The following SLC29A4 variants were observed in gnomAD, a reference collection of about 807,000 sequenced individuals.
The protein encoded by SLC29A4 is solute carrier family 29 member 4, also known as equilibrative nucleoside transporter 4.
Under a neutral mutation model 43.9 loss-of-function variants are expected in SLC29A4, and 36 were observed. The ratio of observed to expected loss-of-function variants is 0.82; its 90% confidence interval spans 0.63 to 1.08. The LOEUF (loss-of-function observed/expected upper bound fraction) is 1.08. SLC29A4 is among the 50% of genes least tolerant of loss of function. The pLI is 0.00. For synonymous variants in SLC29A4, 491 were observed against 338.0 expected, an observed-to-expected ratio of 1.45 and a Z score of -4.97; for missense variants, 869 against 755.3, an observed-to-expected ratio of 1.15 and a Z score of -1.77.
chr7:5,289,845 C>T (rs1785192773), intron 2 of SLC29A4, among the ~76,000 whole-genome samples: 1 of 152,114 alleles, frequency 6.6e-6, no homozygotes, highest in African/African-American at 2.4e-5. Context: ...CCCAGAAGGA[C>T]AGGCAAAGGG....
chr7:5,295,014 G>C, intron 6 of SLC29A4, 80 bp downstream of exon 6: 1 of 1,248,152 alleles, frequency 8.0e-7, no homozygotes, highest in Non-Finnish European at 1.1e-6. Context: ...GACTCCCCAT[G>C]ATGCTCCCCG....
At position 5,306,841 on chromosome 7, in the gene SLC29A4, CAG is replaced by C. The variant is rs999153671; in HGVS notation, c.*3904_*3905del. The C allele has an allele frequency of 8.0e-5, 12 of 150,716 alleles. No homozygotes were observed. The highest frequency in any genetic ancestry group is 2.9e-4 in the African/African-American group (12 of 40,718). 9.3% of individuals were successfully genotyped at this position (150,716 alleles called of 1,614,324 possible). ...TTTTTTTTTATGAAAAAAGATCACACAGAATTTGCCAACAAACAAAATTCCAA... is the reference window on the plus strand; with the variant it reads ...TTTTTTTTTATGAAAAAAGATCACACAATTTGCCAACAAACAAAATTCCAA... On this transcript the variant is annotated 3_prime_UTR_variant, in exon 11 of 11. Transcript: ENST00000396872.
intron 5 of SLC29A4, among the ~76,000 whole-genome samples, chr7:5,293,150 TC>T (rs1482706107): frequency 6.7e-6 from 1 of 150,342 alleles, no homozygotes; most frequent in Non-Finnish European, 1.5e-5. Context: ...TTGTAGACTT[TC>T]TTTTTTTTCT....
intron 10 of SLC29A4, 104 bp downstream of exon 10, chr7:5,300,766 G>A (rs557746885): frequency 1.0e-5 from 15 of 1,456,200 alleles, no homozygotes; most frequent in African/African-American, 5.7e-5. Context: ...TTTGGGTTCC[G>A]GGGGTTCAGA....
chr7:5,300,496 C>T lies in SLC29A4; in HGVS notation c.1284C>T (p.Ile428=), dbSNP rs745409920. The T allele has an allele frequency of 2.3e-5, 37 of 1,611,828 alleles. No homozygotes were observed. The highest frequency in any genetic ancestry group is 1.9e-4 in the South Asian group (17 of 90,994). ...LACSCLRVVF[I]PLFILCVYPS... ...GCTCCTGCCTGCGTGTGGTCTTCATCCCCCTCTTCATCCTGTGCGTCTACC... is the reference window on the plus strand; with the variant it reads ...GCTCCTGCCTGCGTGTGGTCTTCATTCCCCTCTTCATCCTGTGCGTCTACC... Residue 428 remains isoleucine (I), a synonymous_variant, in exon 10 of 11, where the codon ATC becomes ATT. Transcript: ENST00000396872.
intron 2 of SLC29A4, among the ~76,000 whole-genome samples, chr7:5,289,401 A>T (rs948726013): frequency 4.6e-5 from 7 of 152,092 alleles, no homozygotes; most frequent in African/African-American, 1.4e-4. Context: ...AAAAAAAAGA[A>T]AGAAAAAAGC....
chr7:5,291,185 C>T lies in SLC29A4; in HGVS notation c.363C>T (p.Leu121=), dbSNP rs2128088089. 1 of 1,613,796 alleles carries T rather than the reference C, an allele frequency of 6.2e-7. No homozygotes were observed. The highest frequency in any genetic ancestry group is 1.7e-4 in the Middle Eastern group (1 of 5,774). The change falls in exon 4 of 11, where the codon CTC becomes CTT. Residue 121 remains leucine (L), a synonymous_variant. Coordinates refer to ENST00000396872, the MANE Select transcript of SLC29A4 (RefSeq NM_153247.4). ...TYILVALAAV[L]LNNVLVERLT... is the part of the protein sequence containing the mutation. The stretch of plus-strand genomic sequence containing the variant: ...TCTTGGTGGCACTGGCAGCTGTCCT[C>T]CTGAACAACGTCCTGGTGGAGAGAC...
intron 7 of SLC29A4, among the ~76,000 whole-genome samples, chr7:5,298,656 C>G (rs1031342484): frequency 6.6e-6 from 1 of 152,076 alleles, no homozygotes; most frequent in African/African-American, 2.4e-5. Flanking sequence ...AAAAGATTGG[C>G]CTGGGTGATG....
chr7:5,291,023 C>T, intron 3 of SLC29A4, 101 bp from the exon 4 acceptor site: 2 of 1,535,416 alleles, frequency 1.3e-6, no homozygotes, highest in East Asian at 2.3e-5. Context: ...AGCCACTCAC[C>T]CTCTGTGGGC....
At chr7:5,293,195 T>G (rs183182816) in intron 5 of SLC29A4, among the ~76,000 whole-genome samples, 1 of 147,354 alleles carries the variant, frequency 6.8e-6, no homozygotes, top group Admixed American at 6.7e-5. Flanking sequence ...GATGGAGTCT[T>G]TCTCTGTCCC....
chr7:5,303,003 C>A lies in SLC29A4; in HGVS notation c.*64C>A. On this transcript the variant is annotated 3_prime_UTR_variant, in exon 11 of 11. Coordinates refer to ENST00000396872, the MANE Select transcript of SLC29A4 (RefSeq NM_153247.4). ...CCAGGGGCCCCGAGGCCTGAGGGCC[C>A]CTCCCCTGTCCCCACCTCAGTGCCT... The A allele has an allele frequency of 6.5e-7, 1 of 1,541,300 alleles. No homozygotes were observed. The highest frequency in any genetic ancestry group is 1.2e-5 in the South Asian group (1 of 84,718).
intron 1 of SLC29A4, among the ~76,000 whole-genome samples, chr7:5,286,568 C>G (rs1026434060): frequency 6.6e-6 from 1 of 151,372 alleles, no homozygotes; most frequent in Non-Finnish European, 1.5e-5. Context: ...GGGGAAAAAG[C>G]TAGCCTGCCT....
Position 5,295,323 on chromosome 7 carries a change from G to A in SLC29A4, c.619+389G>A, listed in dbSNP as rs1023263649. Among the ~76,000 whole-genome samples the A allele has an allele frequency of 3.9e-5, 6 of 152,056 alleles. No homozygotes were observed. In the East Asian group the frequency reaches 7.7e-4, roughly 20 times the overall value. On this transcript the variant is annotated intron_variant, in intron 6 of 10. Coordinates refer to ENST00000396872, the MANE Select transcript of SLC29A4 (RefSeq NM_153247.4). ...CATCACACCATGCCTACAGCACCGC[G>A]CTCTCCTTGCAGCCACGGACACACA...
chr7:5,284,415 G>T (rs183476228), intron 1 of SLC29A4, among the ~76,000 whole-genome samples: 235 of 152,272 alleles, frequency 1.5e-3, no homozygotes, highest in Admixed American at 2.7e-3. Flanking sequence ...GAGTTGTGAG[G>T]TGGGGAAACT....
intron 3 of SLC29A4, 112 bp from the exon 4 acceptor site, chr7:5,291,012 C>T (rs1397812964): frequency 6.6e-7 from 1 of 1,517,602 alleles, no homozygotes; most frequent in Non-Finnish European, 9.0e-7. Context: ...GACCTCAGGG[C>T]AGCCACTCAC....
At chr7:5,291,100 C>T (rs371724080) in intron 3 of SLC29A4, 24 bp from the exon 4 acceptor site, 926 of 1,611,166 alleles carry the variant, frequency 5.7e-4, no homozygotes, top group Non-Finnish European at 7.5e-4. Flanking sequence ...TCCCTGAGCA[C>T]CTGCTGTCTC....
Position 5,300,606 on chromosome 7 carries a change from G to A in SLC29A4, c.1394G>A (p.Ser465Asn). The change falls in exon 10 of 11, where the codon AGC (serine) becomes AAC (asparagine). Residue 465 changes from serine to asparagine, a missense_variant. Coordinates refer to ENST00000396872, the MANE Select transcript of SLC29A4 (RefSeq NM_153247.4). Reference protein sequence around the residue: ...LMGISNGYFGSVPMILAAGKV... With the variant: ...LMGISNGYFGNVPMILAAGKV... Reference sequence around the variant, plus strand: ...GGCATCAGCAACGGCTACTTCGGCAGCGTGCCCATGATCCTGGCGGCAGGC... The same window carrying A: ...GGCATCAGCAACGGCTACTTCGGCAACGTGCCCATGATCCTGGCGGCAGGC... The A allele has an allele frequency of 6.2e-7, 1 of 1,610,968 alleles. No homozygotes were observed. The highest frequency in any genetic ancestry group is 8.5e-7 in the Non-Finnish European group (1 of 1,178,870).
chr7:5,296,312 C>T (rs1489204344), intron 6 of SLC29A4, among the ~76,000 whole-genome samples: 3 of 151,486 alleles, frequency 2.0e-5, no homozygotes, highest in African/African-American at 7.3e-5. Flanking sequence ...CGTGTGTCAT[C>T]GTGGCCCTAC....
At chr7:5,285,454 C>G (rs1457471495) in intron 1 of SLC29A4, among the ~76,000 whole-genome samples, 2 of 152,220 alleles carry the variant, frequency 1.3e-5, no homozygotes, top group Non-Finnish European at 2.9e-5. Context: ...GGGGCTGAAT[C>G]TCCCCAGCCC....
Sources: gnomAD v4.1 joint callset for allele counts (sites outside exome capture counted in the v4.1 genomes callset) on GRCh38, gnomAD v4.1.1 for gene constraint, MANE v1.5 for transcripts, NCBI Gene and HGNC (gene_info 2026-07-23, HGNC 2026-07-21) for gene names.